The following RASIP1 variants were observed in gnomAD, a reference collection of about 807,000 sequenced individuals.
RASIP1 encodes the protein ras-interacting protein 1.
A neutral mutation model predicts 85.3 loss-of-function variants in RASIP1; 20 were observed. That is an observed-to-expected ratio of 0.23 (90% confidence interval 0.17 to 0.34). RASIP1 has a LOEUF of 0.34. Ranked by LOEUF, RASIP1 falls within the 10% of genes least tolerant of loss-of-function variation. The pLI, the probability that RASIP1 is intolerant of heterozygous loss-of-function variation, is 1.00. For missense variants in RASIP1, 1,170 were observed against 1,390.9 expected (o/e 0.84, Z 2.53); for synonymous variants, 617 against 647.1 (o/e 0.95, Z 0.71).
chr19:48,738,171 C>T lies in RASIP1; in HGVS notation c.823+789G>A, dbSNP rs2033606270. Among the ~76,000 whole-genome samples, 3 of 152,166 alleles carry T rather than the reference C, an allele frequency of 2.0e-5. 1 individual carries two copies. In the South Asian group the frequency reaches 6.2e-4, roughly 32 times the overall value. On this transcript the variant is annotated intron_variant, in intron 3 of 11. Coordinates refer to ENST00000222145, the MANE Select transcript of RASIP1 (RefSeq NM_017805.3). This position sits in a 1 kb window ranked among gnomAD's most constrained non-coding sequence, Gnocchi z 4.0. ...TGTTGGCCAGACTGGTCTCGAACTC[C>T]CAACCTCAGGTGATCCGCCCGCCTC... is the stretch of plus-strand genomic sequence containing the variant.
rs746266519 is a variant in RASIP1, at chr19:48,724,553, C to T, written c.2372-44G>A. ...TGAGAGGCAGTTGGTTGGCTGGACT[C>T]TGTGCTCCTGCCTCCCAGACTCTTC... On this transcript the variant is annotated intron_variant, in intron 9 of 11. Transcript: ENST00000222145. The surrounding 1 kb of genome is among the most constrained non-coding windows in gnomAD (Gnocchi z 4.6). The T allele has an allele frequency of 3.3e-5, 52 of 1,592,534 alleles. No homozygotes were observed. Among genetic ancestry groups the T allele is most frequent in the Non-Finnish European group, 2.9e-5 (34 of 1,164,958 alleles).
chr19:48,727,277 TGA>T, intron 6 of RASIP1, 114 bp downstream of exon 6: 2 of 1,545,804 alleles, frequency 1.3e-6, no homozygotes, highest in Non-Finnish European at 1.8e-6. Flanking sequence ...CTGGAAAAGT[TGA>T]GCGCAAGGAG....
intron 4 of RASIP1, 94 bp from the exon 5 acceptor site, chr19:48,729,684 A>G: frequency 2.4e-6 from 2 of 836,224 alleles, no homozygotes; most frequent in Non-Finnish European, 3.4e-6. Context: ...TTCTATTCCC[A>G]CCAACTTTTT....
At chr19:48,727,562 T>C in intron 5 of RASIP1, 132 bp from the exon 6 acceptor site, 1 of 955,442 alleles carries the variant, frequency 1.0e-6, no homozygotes, top group Non-Finnish European at 1.6e-6. Flanking sequence ...GGGGTCTTAC[T>C]ATGTTGCCAC....
chr19:48,722,193 A>G (rs2033260183), intron 10 of RASIP1, among the ~76,000 whole-genome samples, 192 bp from the exon 11 acceptor site: 1 of 152,106 alleles, frequency 6.6e-6, no homozygotes. Context: ...AATTTGTAAA[A>G]ATGTGATGTG....
In RASIP1 at chr19:48,724,906, C is replaced by T. The variant is rs531483937; in HGVS notation, c.2182G>A (p.Ala728Thr). The T allele has an allele frequency of 1.2e-6, 2 of 1,614,222 alleles. No homozygotes were observed. The highest frequency in any genetic ancestry group is 2.2e-5 in the South Asian group (2 of 91,086). ...LLDSNPFTAG[A>T]ELPGPGAELG... ...TCCGCGCCAGGCCCCGGCAGCTCTG[C>T]ACCAGCTGTGAAAGGGTTACTATCC... Residue 728 changes from alanine (A) to threonine (T), a missense_variant, in exon 9 of 12, where the codon GCA becomes ACA. This residue lies in a region of RASIP1 where 426 missense variants were observed against 576.2 expected (regional missense o/e 0.74). Transcript: ENST00000222145. The surrounding 1 kb of genome is among the most constrained non-coding windows in gnomAD (Gnocchi z 4.6).
rs778335654 is a variant in RASIP1 at position 48,724,727 on chromosome 19, C to T, written c.2361G>A (p.Leu787=). The change falls in exon 9 of 12, where the codon CTG becomes CTA. Residue 787 remains leucine (L), a synonymous_variant. Coordinates refer to ENST00000222145, the MANE Select transcript of RASIP1 (RefSeq NM_017805.3). This position sits in a 1 kb window ranked among gnomAD's most constrained non-coding sequence, Gnocchi z 4.6. Reference sequence around the variant, plus strand: ...CCAGCCAACCTTCACCTCGTTCCATCAGCGAGTTGAGAAGGGATGCGTTGG... The same window carrying T: ...CCAGCCAACCTTCACCTCGTTCCATTAGCGAGTTGAGAAGGGATGCGTTGG... ...FFSNASLLNS[L]MERGQGRPFY... 1 of 1,614,046 alleles carries T rather than the reference C, an allele frequency of 6.2e-7. No homozygotes were observed. Among genetic ancestry groups the T allele is most frequent in the Non-Finnish European group, 8.5e-7 (1 of 1,180,040 alleles).
chr19:48,726,312 C>T (rs1028521487), intron 8 of RASIP1, among the ~76,000 whole-genome samples: 3 of 152,182 alleles, frequency 2.0e-5, no homozygotes, highest in Non-Finnish European at 4.4e-5. Flanking sequence ...CTGCAACATC[C>T]GCCTCCCAGG....
intron 5 of RASIP1, 57 bp downstream of exon 5, chr19:48,728,880 G>A: frequency 7.2e-7 from 1 of 1,386,842 alleles, no homozygotes; most frequent in Non-Finnish European, 9.3e-7. Context: ...GGGAAGGGAG[G>A]CTGGAGAAGG....
chr19:48,739,467 C>T lies in RASIP1; in HGVS notation c.316G>A (p.Ala106Thr), dbSNP rs759748367. The T allele has an allele frequency of 3.4e-6, 5 of 1,477,872 alleles. No homozygotes were observed. The South Asian group carries it at 6.4e-5, about 19-fold the overall frequency. 91.5% of individuals were successfully genotyped at this position (1,477,872 alleles called of 1,614,324 possible). Residue 106 changes from alanine to threonine, a missense_variant, in exon 3 of 12, where the codon GCA becomes ACA. This residue lies in a region of RASIP1 where 299 missense variants were observed against 394.4 expected (regional missense o/e 0.76). Transcript: ENST00000222145. This position sits in a 1 kb window ranked among gnomAD's most constrained non-coding sequence, Gnocchi z 9.2. ...SGTGTTGSSG[A>T]GGPGTPGGAQ... ...CCCCCCGGGGTCCCAGGGCCTCCTGCGCCGCTGGACCCCGTGGTCCCGGTC... is the reference window on the plus strand; with the variant it reads ...CCCCCCGGGGTCCCAGGGCCTCCTGTGCCGCTGGACCCCGTGGTCCCGGTC...
At chr19:48,725,036 A>C in intron 8 of RASIP1, 76 bp from the exon 9 acceptor site, 2 of 1,527,886 alleles carry the variant, frequency 1.3e-6, no homozygotes, top group Non-Finnish European at 8.9e-7. Context: ...GAGCATGAAG[A>C]TAGTGGGGAG....
Position 48,726,458 on chromosome 19 carries a change from T to A in RASIP1, c.2127+327A>T, listed in dbSNP as rs990844953. On this transcript the variant is annotated intron_variant, in intron 8 of 11. Coordinates refer to ENST00000222145, the MANE Select transcript of RASIP1 (RefSeq NM_017805.3). Reference sequence around the variant, plus strand: ...CCAGGCTGCTCTCAAACTCCTGACCTCAAGTGATCCACCCGCCTTGACCTC... The same window carrying A: ...CCAGGCTGCTCTCAAACTCCTGACCACAAGTGATCCACCCGCCTTGACCTC... Among the ~76,000 whole-genome samples, 24 of 152,120 alleles carry A rather than the reference T, an allele frequency of 1.6e-4. 1 individual carries two copies. The highest frequency in any genetic ancestry group is 1.4e-3 in the Admixed American group (22 of 15,262).
rs1453551451 is a variant in RASIP1, at chr19:48,720,875, G to A, written c.2815C>T (p.Arg939Cys). The A allele has an allele frequency of 6.2e-7, 1 of 1,613,930 alleles. No homozygotes were observed. The highest frequency in any genetic ancestry group is 8.5e-7 in the Non-Finnish European group (1 of 1,180,024). ...ALHRELRRLR[R>C]LLWDLEQQEL... ...TGCTGCTCAAGATCCCAGAGGAGGC[G>A]GCGGAGCCTACGGAGTTCACGGTGC... The change falls in exon 12 of 12, where the codon CGC becomes TGC. Residue 939 changes from arginine (R) to cysteine (C), a missense_variant. Coordinates refer to ENST00000222145, the MANE Select transcript of RASIP1 (RefSeq NM_017805.3).
Position 48,724,427 on chromosome 19 carries a change from T to G in RASIP1, c.2454A>C (p.Gly818=), listed in dbSNP as rs1410274470. ...CAGTGGCAATGTCGCCCAGCCCAGC[T>G]CCCTGTAGCCAGTCCAAGACGAGGT... is the stretch of plus-strand genomic sequence containing the variant. ...NLDLVLDWLQ[G]AGLGDIATEF... The change falls in exon 10 of 12, where the codon GGA becomes GGC. Residue 818 remains glycine, a synonymous_variant. Transcript: ENST00000222145. The surrounding 1 kb of genome is among the most constrained non-coding windows in gnomAD (Gnocchi z 4.6). The G allele has an allele frequency of 6.2e-7, 1 of 1,614,112 alleles. No individual in the cohort carries two copies. Among genetic ancestry groups the G allele is most frequent in the Non-Finnish European group, 8.5e-7 (1 of 1,180,022 alleles).
At chr19:48,736,138 G>A (rs1029557990) in intron 3 of RASIP1, among the ~76,000 whole-genome samples, 13 of 151,524 alleles carry the variant, frequency 8.6e-5, no homozygotes, top group Non-Finnish European at 1.6e-4. Context: ...TATTTAGGCC[G>A]GGTGCGGTGG....
intron 4 of RASIP1, among the ~76,000 whole-genome samples, chr19:48,731,375 T>C (rs1042126764): frequency 6.6e-6 from 1 of 152,096 alleles, no homozygotes; most frequent in Admixed American, 6.6e-5. Flanking sequence ...ACGGAGGATT[T>C]CAAAGAGATA....
At position 48,724,407 on chromosome 19, in the gene RASIP1, G is replaced by A; in HGVS notation, c.2474C>T (p.Ala825Val). ...WLQGAGLGDI[A>V]TEFFRKLSMA... ...GGAGAGTTTCCGGAAGAACTCAGTG[G>A]CAATGTCGCCCAGCCCAGCTCCCTG... Residue 825 changes from alanine (A) to valine (V), a missense_variant, in exon 10 of 12, where the codon GCC (alanine) becomes GTC (valine). Coordinates refer to ENST00000222145, the MANE Select transcript of RASIP1 (RefSeq NM_017805.3). The surrounding 1 kb of genome is among the most constrained non-coding windows in gnomAD (Gnocchi z 4.6). 1 of 1,614,212 alleles carries A rather than the reference G, an allele frequency of 6.2e-7. No individual in the cohort carries two copies.
intron 4 of RASIP1, among the ~76,000 whole-genome samples, chr19:48,734,903 C>A (rs1043019529): frequency 3.3e-5 from 5 of 152,196 alleles, no homozygotes; most frequent in Admixed American, 6.5e-5. Context: ...GAGTCAGCCG[C>A]ACGCCTGGCG....
chr19:48,730,801 G>T (rs547496546), intron 4 of RASIP1, among the ~76,000 whole-genome samples: 15 of 152,272 alleles, frequency 9.9e-5, no homozygotes, highest in African/African-American at 2.9e-4. Context: ...CGAGGCAGGT[G>T]AATCACCTGA....
Sources: gnomAD v4.1 joint callset for allele counts (sites outside exome capture counted in the v4.1 genomes callset) on GRCh38, gnomAD v4.1.1 for gene constraint, gnomAD v4.1.1 regional missense constraint, Gnocchi (gnomAD v3.1) non-coding constraint, MANE v1.5 for transcripts, NCBI Gene and HGNC (gene_info 2026-07-23, HGNC 2026-07-21) for gene names.